The following DYNC1I1 variants were observed in gnomAD, a reference collection of about 807,000 sequenced individuals.
The protein encoded by DYNC1I1 is dynein cytoplasmic 1 intermediate chain 1.
Under a neutral mutation model 86.6 loss-of-function variants are expected in DYNC1I1, and 43 were observed. The ratio of observed to expected loss-of-function variants is 0.50; its 90% confidence interval spans 0.39 to 0.64. DYNC1I1 has a LOEUF of 0.64. Ranked by LOEUF, DYNC1I1 falls within the 30% of genes least tolerant of loss-of-function variation. The probability of loss-of-function intolerance (pLI) is 0.00; values close to 1 mark genes in which losing one functional copy is unlikely to be tolerated. For synonymous variants in DYNC1I1, 262 were observed against 283.7 expected (o/e 0.92, Z 0.77); for missense variants, 604 against 788.8 (o/e 0.77, Z 2.81).
chr7:95,783,441 C>T (rs1584217348), intron 1 of DYNC1I1, among the ~76,000 whole-genome samples: 1 of 152,020 alleles, frequency 6.6e-6, no homozygotes, highest in Non-Finnish European at 1.5e-5. Flanking sequence ...AGTTACAGAT[C>T]GTAGGGGCCA....
chr7:96,019,353 G>A (rs932544715), intron 10 of DYNC1I1, among the ~76,000 whole-genome samples: 4 of 150,696 alleles, frequency 2.7e-5, no homozygotes, highest in African/African-American at 9.7e-5. Context: ...AACCAATGTG[G>A]GTTTTTAATG....
intron 4 of DYNC1I1, 108 bp from the exon 5 acceptor site, chr7:95,827,949 T>G (rs1440494988): frequency 1.2e-5 from 12 of 1,039,314 alleles, no homozygotes; most frequent in Non-Finnish European, 1.6e-5. Context: ...GTTCTGTGTA[T>G]GTATTGTATA....
chr7:96,107,320 G>A (rs539664307), intron 16 of DYNC1I1, among the ~76,000 whole-genome samples: 6 of 151,592 alleles, frequency 4.0e-5, no homozygotes, highest in Admixed American at 1.3e-4. Flanking sequence ...GTGAGCCACC[G>A]TGCCCAGCCA....
In DYNC1I1 at chr7:96,096,177, T is replaced by A. The variant is rs1790999809; in HGVS notation, c.1777-1306T>A. Among the ~76,000 whole-genome samples the A allele has an allele frequency of 2.0e-5, 3 of 152,136 alleles. No homozygotes were observed. In the South Asian group the frequency reaches 6.2e-4, roughly 31 times the overall value. The stretch of plus-strand genomic sequence containing the variant: ...GCACAATGAAGTTGCCACTTTCCAA[T>A]AAGTTTTCTTGGACAGATAGTATTT... On this transcript the variant is annotated intron_variant, in intron 16 of 16. Transcript: ENST00000447467.
intron 11 of DYNC1I1, among the ~76,000 whole-genome samples, chr7:96,031,536 T>G (rs1288227056): frequency 6.6e-6 from 1 of 152,152 alleles, no homozygotes; most frequent in African/African-American, 2.4e-5. Flanking sequence ...GGAAGGTGTT[T>G]AAGCAGAGTT....
At chr7:96,079,485 A>G (rs1790445961) in intron 15 of DYNC1I1, among the ~76,000 whole-genome samples, 1 of 152,178 alleles carries the variant, frequency 6.6e-6, no homozygotes, top group African/African-American at 2.4e-5. Context: ...CACAACTGAT[A>G]ATGGGAGAGA....
intron 12 of DYNC1I1, among the ~76,000 whole-genome samples, chr7:96,035,237 C>T (rs1355154835): frequency 3.3e-5 from 5 of 152,186 alleles, no homozygotes; most frequent in Admixed American, 3.3e-4. Flanking sequence ...GATATTAATA[C>T]ATGTGTATTC....
chr7:95,902,200 T>A lies in DYNC1I1; in HGVS notation c.490+32202T>A, dbSNP rs575887033. Among the ~76,000 whole-genome samples, 10 of 152,348 alleles carry A rather than the reference T, an allele frequency of 6.6e-5. No individual in the cohort carries two copies. The East Asian group carries it at 1.9e-3, about 29-fold the overall frequency. Reference sequence around the variant, plus strand: ...TTGGTATATGAGCCCAGGAGATAATTGCATGCTGACTTCTTGTTCTCCAGT... The same window carrying A: ...TTGGTATATGAGCCCAGGAGATAATAGCATGCTGACTTCTTGTTCTCCAGT... On this transcript the variant is annotated intron_variant, in intron 6 of 16. Transcript: ENST00000447467.
chr7:95,833,471 A>G (rs1364512691), intron 5 of DYNC1I1, among the ~76,000 whole-genome samples: 2 of 144,796 alleles, frequency 1.4e-5, no homozygotes, highest in African/African-American at 5.1e-5. Flanking sequence ...TTGGTTCCAT[A>G]TGAACTTTAA....
chr7:95,785,471 A>C lies in DYNC1I1; in HGVS notation c.-10+12698A>C, dbSNP rs552652752. 2.0e-5 allele frequency among the ~76,000 whole-genome samples: 3 copies of C among 152,116 alleles called. No homozygotes were observed. The South Asian group carries it at 6.3e-4, about 32-fold the overall frequency. Reference sequence around the variant, plus strand: ...ATGTTGCTAACTTAATTCCAACTTGACCAAGCCACCATGCATTTAATGGCT... The same window carrying C: ...ATGTTGCTAACTTAATTCCAACTTGCCCAAGCCACCATGCATTTAATGGCT... On this transcript the variant is annotated intron_variant, in intron 1 of 16. Transcript: ENST00000447467.
intron 14 of DYNC1I1, among the ~76,000 whole-genome samples, chr7:96,045,097 G>C (rs968076057): frequency 6.6e-6 from 1 of 152,132 alleles, no homozygotes; most frequent in Non-Finnish European, 1.5e-5. Flanking sequence ...ATGCTAAGCT[G>C]GAGCAGAAAG....
intron 6 of DYNC1I1, among the ~76,000 whole-genome samples, chr7:95,918,408 C>A (rs947720934): frequency 6.6e-6 from 1 of 152,140 alleles, no homozygotes; most frequent in African/African-American, 2.4e-5. Flanking sequence ...TTCTTCTCCT[C>A]CCCACTTGCT....
At chr7:96,021,414 A>G (rs945779067) in intron 10 of DYNC1I1, among the ~76,000 whole-genome samples, 7 of 152,178 alleles carry the variant, frequency 4.6e-5, no homozygotes, top group African/African-American at 1.4e-4. Flanking sequence ...GTTTGAGGAA[A>G]GAGTGATCCA....
At chr7:95,960,636 T>C (rs1792842050) in intron 6 of DYNC1I1, among the ~76,000 whole-genome samples, 1 of 152,204 alleles carries the variant, frequency 6.6e-6, no homozygotes, top group Non-Finnish European at 1.5e-5. Flanking sequence ...TTGAGGTGTT[T>C]CAAGTATGTC....
intron 13 of DYNC1I1, among the ~76,000 whole-genome samples, chr7:96,038,540 T>A (rs1378556345): frequency 1.3e-5 from 2 of 152,220 alleles, no homozygotes; most frequent in Non-Finnish European, 2.9e-5. Context: ...GACATAAGTT[T>A]GTCTCTTTTT....
downstream of DYNC1I1, among the ~76,000 whole-genome samples, chr7:96,099,068 A>G (rs1791087872): frequency 6.6e-6 from 1 of 152,206 alleles, no homozygotes; most frequent in Admixed American, 6.5e-5. Context: ...AGTATCTGGA[A>G]TAGGTTTAAA....
intron 11 of DYNC1I1, among the ~76,000 whole-genome samples, chr7:96,029,297 A>G (rs12672739): frequency 0.23 from 35,424 of 152,044 alleles, 4,470 homozygotes; most frequent in South Asian, 0.37. Context: ...AATCTTGGGA[A>G]ATTGCTCTTG....
intron 10 of DYNC1I1, among the ~76,000 whole-genome samples, chr7:96,011,796 C>A (rs915179200): frequency 1.3e-5 from 2 of 152,106 alleles, no homozygotes; most frequent in Non-Finnish European, 1.5e-5. Flanking sequence ...GTCTTTGACA[C>A]CAGTTATATA....
Position 95,942,446 on chromosome 7 carries a change from A to G in DYNC1I1, c.491-35066A>G, listed in dbSNP as rs971680761. Among the ~76,000 whole-genome samples the G allele has an allele frequency of 7.9e-5, 12 of 152,222 alleles. 1 individual carries two copies. The highest frequency in any genetic ancestry group is 4.1e-4 in the South Asian group (2 of 4,834). On this transcript the variant is annotated intron_variant, in intron 6 of 16. Coordinates refer to ENST00000447467, the MANE Select transcript of DYNC1I1 (RefSeq NM_001135556.2). ...ACAGCCGAATTCTACCAGAGGTACA[A>G]GGAGGAACTGGTACCATTCCTTCTG...
Sources: allele counts gnomAD v4.1 joint callset (sites outside exome capture counted in the v4.1 genomes callset), GRCh38; gene constraint gnomAD v4.1.1; transcripts MANE v1.5; gene names NCBI Gene and HGNC (gene_info 2026-07-23, HGNC 2026-07-21).